Variants in BPTF observed in about 807,000 individuals in gnomAD.
BPTF encodes the protein bromodomain PHD finger transcription factor.
A neutral mutation model predicts 292.5 loss-of-function variants in BPTF; 18 were observed. That is an observed-to-expected ratio of 0.06 (90% CI 0.04 to 0.09). The LOEUF (loss-of-function observed/expected upper bound fraction) is 0.09, where lower values mean the gene tolerates loss of function less well. Ranked by LOEUF, BPTF falls within the 10% of genes least tolerant of loss-of-function variation. BPTF has a pLI of 1.00. For missense variants in BPTF, 2,726 were observed against 3,498.7 expected, an observed-to-expected ratio of 0.78 and a Z score of 5.57; for synonymous variants, 1,225 against 1,251.9, an observed-to-expected ratio of 0.98 and a Z score of 0.45.
intron 2 of BPTF, among the ~76,000 whole-genome samples, chr17:67,857,322 G>A (rs774449323): frequency 4.0e-5 from 6 of 151,564 alleles, no homozygotes; most frequent in Non-Finnish European, 8.8e-5. Context: ...CACCGTGCCC[G>A]GTTAATTTTT....
At chr17:67,962,487 C>T (rs2067611946) in intron 24 of BPTF, among the ~76,000 whole-genome samples, 1 of 152,214 alleles carries the variant, frequency 6.6e-6, no homozygotes, top group Non-Finnish European at 1.5e-5. Flanking sequence ...CACACATTTA[C>T]ACAGCTCCCC....
chr17:67,926,162 C>T (rs114104779), intron 15 of BPTF, among the ~76,000 whole-genome samples: 1,719 of 150,994 alleles, frequency 0.011, 26 homozygotes, highest in African/African-American at 0.039. Flanking sequence ...CATGCACCAC[C>T]GTGTCTGGCT....
At position 67,945,440 on chromosome 17, in the gene BPTF, A is replaced by G. The variant is rs1555673985; in HGVS notation, c.6732A>G (p.Ser2244=). The G allele has an allele frequency of 1.2e-6, 2 of 1,613,672 alleles. No homozygotes were observed. Among genetic ancestry groups the G allele is most frequent in the Non-Finnish European group, 1.7e-6 (2 of 1,179,900 alleles). The change falls in exon 21 of 28, where the codon TCA becomes TCG. Residue 2244 remains serine (S), a synonymous_variant. Transcript: ENST00000306378. ...GTGAACAAAGGCAGAGTAAACTGTC[A>G]CCCCAGATGCAGGTACATCAAGACA... ...GTGEQRQSKL[S]PQMQVHQDKT...
At chr17:67,910,809 A>ATAT in intron 10 of BPTF, 68 bp from the exon 11 acceptor site, 1 of 1,037,372 alleles carries the variant, frequency 9.6e-7, no homozygotes, top group Admixed American at 5.0e-5. Context: ...CAAAAAAAAA[A>ATAT]ATATATATAT....
At chr17:67,904,914 C>G (rs1598550383) in intron 9 of BPTF, 74 bp downstream of exon 9, 2 of 1,231,324 alleles carry the variant, frequency 1.6e-6, no homozygotes, top group South Asian at 3.8e-5. Context: ...AGTATTTTGA[C>G]TATATTTTAG....
intron 7 of BPTF, among the ~76,000 whole-genome samples, chr17:67,902,347 C>CA (rs972506781): frequency 5.3e-5 from 8 of 152,156 alleles, no homozygotes; most frequent in African/African-American, 1.9e-4. Flanking sequence ...GCCAAGCCCT[C>CA]AAAATCTCCA....
chr17:67,943,805 T>C (rs1206493186), intron 19 of BPTF, among the ~76,000 whole-genome samples: 3 of 152,210 alleles, frequency 2.0e-5, no homozygotes, highest in Non-Finnish European at 4.4e-5. Context: ...TTGTAAAATA[T>C]GAATATAAGA....
rs768723066 is a variant in BPTF, at chr17:67,826,058, G to T, written c.334G>T (p.Ala112Ser). 7.1e-6 allele frequency: 9 copies of T among 1,272,970 alleles called. No individual in the cohort carries two copies. The highest frequency in any genetic ancestry group is 7.3e-6 in the Non-Finnish European group (7 of 957,506). The allele number at this position is 1,272,970 out of a possible 1,614,324, so 78.9% of individuals were successfully genotyped here. Residue 112 changes from alanine (A) to serine (S), a missense_variant, in exon 1 of 28, where the codon GCC becomes TCC. Around this residue, in one of 22 missense-constraint regions of BPTF, gnomAD observed 153 missense variants for 178.3 expected, o/e 0.86. Transcript: ENST00000306378. ...TGGGGGGGHL[A>S]RTTAARRAVN... The stretch of plus-strand genomic sequence containing the variant: ...GGGCGGGGGCGGCGGCGGCCACCTG[G>T]CCCGGACCACCGCGGCCCGGAGGGC...
chr17:67,951,568 C>A (rs1698967663), intron 23 of BPTF: 1 of 152,072 alleles, frequency 6.6e-6, no homozygotes, highest in Non-Finnish European at 1.5e-5. Flanking sequence ...TAGTTTATAT[C>A]CTTTATGTAT....
At chr17:67,958,852 A>T (rs2067196690) in intron 23 of BPTF, among the ~76,000 whole-genome samples, 1 of 152,226 alleles carries the variant, frequency 6.6e-6, no homozygotes, top group Non-Finnish European at 1.5e-5. Context: ...CTGTAATCCC[A>T]GCTACTTGGG....
At chr17:67,953,486 G>A (rs1395262314) in intron 23 of BPTF, among the ~76,000 whole-genome samples, 1 of 147,088 alleles carries the variant, frequency 6.8e-6, no homozygotes, top group South Asian at 2.2e-4. Context: ...TCAAACCCCT[G>A]ACCTCAGGTG....
chr17:67,878,006 G>C (rs137975299), intron 4 of BPTF, among the ~76,000 whole-genome samples: 5 of 152,132 alleles, frequency 3.3e-5, no homozygotes, highest in African/African-American at 1.2e-4. Context: ...GGATGTTTAC[G>C]AAGTTAACAC....
chr17:67,954,712 T>A (rs1313618798), intron 23 of BPTF, among the ~76,000 whole-genome samples: 1 of 152,244 alleles, frequency 6.6e-6, no homozygotes, highest in Non-Finnish European at 1.5e-5. Context: ...TTTGTATGTT[T>A]TTGAAGGGAG....
At chr17:67,955,699 C>G (rs556291638) in intron 23 of BPTF, 1 of 151,586 alleles carries the variant, frequency 6.6e-6, no homozygotes, top group African/African-American at 2.4e-5. Flanking sequence ...TGGTGGCGGG[C>G]GCATGTAATC....
intron 1 of BPTF, among the ~76,000 whole-genome samples, chr17:67,827,014 C>A (rs1403434416): frequency 2.0e-5 from 3 of 152,116 alleles, no homozygotes; most frequent in East Asian, 1.9e-4. Flanking sequence ...TAAAAAGCAA[C>A]GCAGAAAGCC....
At chr17:67,942,015 A>G (rs1369501965) in intron 19 of BPTF, among the ~76,000 whole-genome samples, 1 of 152,108 alleles carries the variant, frequency 6.6e-6, no homozygotes, top group Non-Finnish European at 1.5e-5. Context: ...AAAAAGACAA[A>G]CAGGCAAGGT....
intron 24 of BPTF, among the ~76,000 whole-genome samples, chr17:67,960,655 C>T (rs2148320256): frequency 6.6e-6 from 1 of 152,280 alleles, no homozygotes; most frequent in South Asian, 2.1e-4. Context: ...CCACAGTTAA[C>T]CACCATACTT....
chr17:67,862,239 G>A (rs1053190120), intron 2 of BPTF, among the ~76,000 whole-genome samples: 2 of 152,206 alleles, frequency 1.3e-5, no homozygotes, highest in African/African-American at 4.8e-5. Context: ...GACTCCGAAA[G>A]TGCTGGGATT....
intron 15 of BPTF, 25 bp from the exon 16 acceptor site, chr17:67,928,330 T>C (rs1233372785): frequency 2.0e-5 from 32 of 1,583,584 alleles, no homozygotes; most frequent in Non-Finnish European, 2.7e-5. Context: ...TTTTGATTCA[T>C]GTTTCCTCTC....
Sources: gnomAD v4.1 joint callset for allele counts (sites outside exome capture counted in the v4.1 genomes callset) on GRCh38, gnomAD v4.1.1 for gene constraint, gnomAD v4.1.1 regional missense constraint, MANE v1.5 for transcripts, NCBI Gene and HGNC (gene_info 2026-07-23, HGNC 2026-07-21) for gene names.